TMEM132B: variants seen among roughly 807,000 people sequenced by gnomAD.
The protein encoded by TMEM132B is transmembrane protein 132B.
A neutral mutation model predicts 90.8 loss-of-function variants in TMEM132B; 18 were observed. That is an observed-to-expected ratio of 0.20 (90% CI 0.14 to 0.29). The LOEUF is 0.29. TMEM132B is among the 10% of genes least tolerant of loss of function. The pLI, the probability that TMEM132B is intolerant of heterozygous loss-of-function variation, is 1.00. For synonymous variants in TMEM132B, 504 were observed against 523.3 expected, an observed-to-expected ratio of 0.96 and a Z score of 0.50; for missense variants, 1,096 against 1,326.8, an observed-to-expected ratio of 0.83 and a Z score of 2.70.
At chr12:125,389,936 G>A (rs143812902) in intron 2 of TMEM132B, among the ~76,000 whole-genome samples, 1 of 152,190 alleles carries the variant, frequency 6.6e-6, no homozygotes, top group Non-Finnish European at 1.5e-5. Context: ...GATTCCAATT[G>A]CATAGCTCGA....
At chr12:125,327,609 C>T (rs952538448) in intron 1 of TMEM132B, 3 of 152,186 alleles carry the variant, frequency 2.0e-5, no homozygotes, top group African/African-American at 4.8e-5. Flanking sequence ...TAGCAGGAGA[C>T]CTTCCAGAGA....
rs560729208 is a variant in TMEM132B, at chr12:125,455,423, G to T, written c.1106+39746G>T. 9.2e-5 allele frequency among the ~76,000 whole-genome samples: 14 copies of T among 152,276 alleles called. No individual in the cohort carries two copies. The East Asian group carries it at 2.7e-3, about 29-fold the overall frequency. On this transcript the variant is annotated intron_variant, in intron 3 of 8. Coordinates refer to ENST00000682704, the MANE Select transcript of TMEM132B (RefSeq NM_001366854.1). ...TAAATCAGATTTGAAATTCTGCCCA[G>T]CCCAGGAAGGCACAGAGGACTTTCC...
At chr12:125,497,054 A>G (rs1037110769) in intron 3 of TMEM132B, among the ~76,000 whole-genome samples, 1 of 152,262 alleles carries the variant, frequency 6.6e-6, no homozygotes, top group Non-Finnish European at 1.5e-5. Flanking sequence ...TCTTTAAAGG[A>G]TGGTTACCTT....
chr12:125,616,892 T>C lies in TMEM132B; in HGVS notation c.1438-27184T>C, dbSNP rs78045898. Among the ~76,000 whole-genome samples the C allele has an allele frequency of 5.1e-3, 776 of 152,294 alleles. 4 individuals are homozygous for C. The highest frequency in any genetic ancestry group is 0.031 in the Middle Eastern group (9 of 294). ...GAAAGACAGAGACATCATTTCTCCATGTGCATTAAGAATGGCCATGTGAGC... is the reference window on the plus strand; with the variant it reads ...GAAAGACAGAGACATCATTTCTCCACGTGCATTAAGAATGGCCATGTGAGC... On this transcript the variant is annotated intron_variant, in intron 5 of 8. Coordinates refer to ENST00000682704, the MANE Select transcript of TMEM132B (RefSeq NM_001366854.1).
chr12:125,351,470 A>G (rs562174200), intron 2 of TMEM132B, among the ~76,000 whole-genome samples: 3 of 152,354 alleles, frequency 2.0e-5, no homozygotes, highest in African/African-American at 7.2e-5. Flanking sequence ...GCAGACAAAG[A>G]AACAGTTCAA....
chr12:125,580,764 C>A (rs998408001), intron 4 of TMEM132B, among the ~76,000 whole-genome samples: 1 of 152,172 alleles, frequency 6.6e-6, no homozygotes, highest in Non-Finnish European at 1.5e-5. Flanking sequence ...GCCATTTTCA[C>A]TGACATCACC....
rs554956620 is a variant in TMEM132B at position 125,314,519 on chromosome 12, G to A, written c.68-34933G>A. Among the ~76,000 whole-genome samples, 6 of 152,294 alleles carry A rather than the reference G, an allele frequency of 3.9e-5. No homozygotes were observed. In the South Asian group the frequency reaches 1.0e-3, roughly 26 times the overall value. ...TCCTGGGTTTCTTGTGCTGCATTGAGGAGGCGCTTCCTGCACCCGGGCTCA... is the reference window on the plus strand; with the variant it reads ...TCCTGGGTTTCTTGTGCTGCATTGAAGAGGCGCTTCCTGCACCCGGGCTCA... On this transcript the variant is annotated intron_variant, in intron 1 of 8. Coordinates refer to ENST00000682704, the MANE Select transcript of TMEM132B (RefSeq NM_001366854.1).
In TMEM132B at chr12:125,653,574, G is replaced by A; in HGVS notation, c.2116G>A (p.Val706Ile). The A allele has an allele frequency of 6.2e-7, 1 of 1,602,892 alleles. No homozygotes were observed. The highest frequency in any genetic ancestry group is 8.5e-7 in the Non-Finnish European group (1 of 1,171,018). The stretch of plus-strand genomic sequence containing the variant: ...GTTTCATTTTCCTCAGGAAGCAATA[G>A]TAAGTTCTTGGATTTTGTTCAGTGA... ...VLQSPQQEAI[V>I]SSWILFSDGS... Residue 706 changes from valine (V) to isoleucine (I), a missense_variant, in exon 9 of 9, where the codon GTA (valine) becomes ATA (isoleucine). Transcript: ENST00000682704.
At chr12:125,229,720 CTG>C (rs1873772205) in intron 1 of TMEM132B, among the ~76,000 whole-genome samples, 1 of 152,238 alleles carries the variant, frequency 6.6e-6, no homozygotes, top group Non-Finnish European at 1.5e-5. Flanking sequence ...GGAATGTCCT[CTG>C]TGACTCCTGG....
intron 1 of TMEM132B, among the ~76,000 whole-genome samples, chr12:125,286,593 T>C (rs550944843): frequency 2.9e-4 from 44 of 152,076 alleles, no homozygotes; most frequent in African/African-American, 1.0e-3. Context: ...ACAACAGAGA[T>C]AAATTATTTT....
chr12:125,633,186 T>A (rs1886406020), intron 5 of TMEM132B, among the ~76,000 whole-genome samples: 1 of 152,228 alleles, frequency 6.6e-6, no homozygotes, highest in Admixed American at 6.5e-5. Flanking sequence ...TTCTTGAATC[T>A]CCTTGTTCAA....
At chr12:125,385,459 T>C (rs1878802955) in intron 2 of TMEM132B, among the ~76,000 whole-genome samples, 1 of 152,204 alleles carries the variant, frequency 6.6e-6, no homozygotes, top group South Asian at 2.1e-4. Flanking sequence ...GGCTGCCTTG[T>C]GGACCCTATT....
At position 125,280,792 on chromosome 12, in the gene TMEM132B, G is replaced by A. The variant is rs117229149; in HGVS notation, c.68-68660G>A. 1.3e-3 allele frequency among the ~76,000 whole-genome samples: 196 copies of A among 152,344 alleles called. 2 individuals are homozygous for A. The East Asian group carries it at 0.032, about 25-fold the overall frequency. ...GCAGCACGGGGAATGCTCCAGCGAGGATTAGGAAGGAAACCAGACTTTTGA... is the reference window on the plus strand; with the variant it reads ...GCAGCACGGGGAATGCTCCAGCGAGAATTAGGAAGGAAACCAGACTTTTGA... On this transcript the variant is annotated intron_variant, in intron 1 of 8. Transcript: ENST00000682704.
intron 1 of TMEM132B, among the ~76,000 whole-genome samples, chr12:125,187,137 G>A (rs1957764874): frequency 1.3e-5 from 2 of 152,284 alleles, no homozygotes; most frequent in South Asian, 4.1e-4. Flanking sequence ...TCAGCCTCTC[G>A]AGGCGGGTGG....
intron 5 of TMEM132B, among the ~76,000 whole-genome samples, chr12:125,617,440 G>T (rs763879681): frequency 6.6e-6 from 1 of 151,616 alleles, no homozygotes; most frequent in Non-Finnish European, 1.5e-5. Context: ...CCACCTCCTG[G>T]GTTCGAGCAA....
rs541308416 is a variant in TMEM132B, at chr12:125,308,804, G to T, written c.68-40648G>T. ...CCCAAACATTACAGAAAACATTGAAGTTCTCTTTTGCACCATCCTCAATTC... is the reference window on the plus strand; with the variant it reads ...CCCAAACATTACAGAAAACATTGAATTTCTCTTTTGCACCATCCTCAATTC... On this transcript the variant is annotated intron_variant, in intron 1 of 8. Coordinates refer to ENST00000682704, the MANE Select transcript of TMEM132B (RefSeq NM_001366854.1). Among the ~76,000 whole-genome samples, 13 of 152,162 alleles carry T rather than the reference G, an allele frequency of 8.5e-5. 1 individual carries two copies. Among genetic ancestry groups the T allele is most frequent in the Admixed American group, 7.9e-4 (12 of 15,286 alleles).
chr12:125,272,414 A>G (rs1417375311), intron 1 of TMEM132B, among the ~76,000 whole-genome samples: 1 of 152,140 alleles, frequency 6.6e-6, no homozygotes, highest in Non-Finnish European at 1.5e-5. Context: ...GGAAATTCCC[A>G]TTTAGGCAAA....
intron 2 of TMEM132B, among the ~76,000 whole-genome samples, chr12:125,368,540 A>T (rs1330318795): frequency 6.6e-6 from 1 of 152,170 alleles, no homozygotes; most frequent in Non-Finnish European, 1.5e-5. Flanking sequence ...GTATGGAGTC[A>T]TGATTTCCTT....
Position 125,362,154 on chromosome 12 carries a change from T to C in TMEM132B, c.959+11811T>C, listed in dbSNP as rs573847149. 8.5e-5 allele frequency among the ~76,000 whole-genome samples: 13 copies of C among 152,304 alleles called. 1 individual carries two copies. Among genetic ancestry groups the C allele is most frequent in the Admixed American group, 7.8e-4 (12 of 15,300 alleles). Reference sequence around the variant, plus strand: ...GTTGGTAGGGCTACTTGTCTGCAAGTGGCTGGGGCATGACCTTGGCTGACC... The same window carrying C: ...GTTGGTAGGGCTACTTGTCTGCAAGCGGCTGGGGCATGACCTTGGCTGACC... On this transcript the variant is annotated intron_variant, in intron 2 of 8. Coordinates refer to ENST00000682704, the MANE Select transcript of TMEM132B (RefSeq NM_001366854.1).
Sources: gnomAD v4.1 joint callset for allele counts (sites outside exome capture counted in the v4.1 genomes callset) on GRCh38, gnomAD v4.1.1 for gene constraint, MANE v1.5 for transcripts, NCBI Gene and HGNC (gene_info 2026-07-23, HGNC 2026-07-21) for gene names.